LRRC7: variants seen among roughly 807,000 people sequenced by gnomAD.
LRRC7 encodes the protein leucine rich repeat containing 7.
A neutral mutation model predicts 175.7 loss-of-function variants in LRRC7; 23 were observed. That is an observed-to-expected ratio of 0.13 (90% CI 0.09 to 0.19). The LOEUF is 0.19. Among genes scored for constraint, LRRC7 ranks in the 10% least tolerant of loss-of-function variants. The pLI is 1.00. For missense variants in LRRC7, 1,354 were observed against 1,904.7 expected (o/e 0.71, Z 5.38); for synonymous variants, 685 against 680.9 (o/e 1.01, Z -0.09).
chr1:69,669,380 G>T (rs762406094), intron 1 of LRRC7, among the ~76,000 whole-genome samples: 6 of 152,114 alleles, frequency 3.9e-5, no homozygotes, highest in Admixed American at 2.0e-4. Context: ...CAGCACTTTA[G>T]ATATGTCATG....
At chr1:69,908,614 T>C (rs908501506) in intron 7 of LRRC7, among the ~76,000 whole-genome samples, 24 of 151,200 alleles carry the variant, frequency 1.6e-4, no homozygotes, top group African/African-American at 5.8e-4. Flanking sequence ...TTGATTGCAC[T>C]GTGGTCTGAG....
intron 2 of LRRC7, among the ~76,000 whole-genome samples, chr1:69,755,364 T>G (rs1670297072): frequency 6.9e-6 from 1 of 144,576 alleles, no homozygotes; most frequent in Admixed American, 6.9e-5. Context: ...ATATATATAA[T>G]CTATCCTTGC....
intron 8 of LRRC7, among the ~76,000 whole-genome samples, chr1:69,943,757 G>A (rs1199832648): frequency 6.6e-6 from 1 of 151,898 alleles, no homozygotes; most frequent in African/African-American, 2.4e-5. Flanking sequence ...TTAACTTCAA[G>A]GTAAACCTGC....
chr1:69,998,382 G>T (rs2101922131), intron 11 of LRRC7, among the ~76,000 whole-genome samples: 1 of 152,186 alleles, frequency 6.6e-6, no homozygotes. Context: ...TTCAAACTCA[G>T]ATGTTCAGAC....
intron 4 of LRRC7, among the ~76,000 whole-genome samples, chr1:69,825,321 C>T (rs1679782767): frequency 6.6e-6 from 1 of 152,268 alleles, no homozygotes; most frequent in East Asian, 1.9e-4. Context: ...GTTCAACCTT[C>T]CTAACCTTAT....
chr1:69,718,780 A>C (rs1255029333), intron 2 of LRRC7, among the ~76,000 whole-genome samples: 1 of 151,816 alleles, frequency 6.6e-6, no homozygotes, highest in Non-Finnish European at 1.5e-5. Context: ...AAACCAAAGA[A>C]GCCAAGAGAT....
At chr1:69,623,678 G>A (rs942504493) in intron 1 of LRRC7, among the ~76,000 whole-genome samples, 1 of 151,424 alleles carries the variant, frequency 6.6e-6, no homozygotes, top group Non-Finnish European at 1.5e-5. Context: ...AGCCTCCCGC[G>A]TAGCTGGGAT....
intron 23 of LRRC7, among the ~76,000 whole-genome samples, chr1:70,053,436 T>C (rs2421319): frequency 0.13 from 19,535 of 152,168 alleles, 1,731 homozygotes; most frequent in African/African-American, 0.24. Flanking sequence ...TAGAATGATA[T>C]GTGACATACT....
At chr1:69,995,290 G>A (rs527256947) in intron 11 of LRRC7, among the ~76,000 whole-genome samples, 6 of 152,172 alleles carry the variant, frequency 3.9e-5, no homozygotes, top group African/African-American at 1.2e-4. Flanking sequence ...TTTACAATCC[G>A]TGTAAAGTGA....
intron 2 of LRRC7, among the ~76,000 whole-genome samples, chr1:69,727,153 T>A (rs1317035441): frequency 1.4e-4 from 22 of 152,140 alleles, no homozygotes; most frequent in Non-Finnish European, 1.5e-5. Context: ...GAGGGATGTA[T>A]CCTGGATGAG....
At chr1:70,096,016 C>T (rs1279510177) in intron 25 of LRRC7, among the ~76,000 whole-genome samples, 4 of 151,534 alleles carry the variant, frequency 2.6e-5, no homozygotes, top group South Asian at 2.1e-4. Context: ...TGGCTCTTGT[C>T]GCCCAGGCTG....
intron 4 of LRRC7, among the ~76,000 whole-genome samples, chr1:69,812,742 C>T (rs1439744856): frequency 6.6e-6 from 1 of 151,958 alleles, no homozygotes; most frequent in Non-Finnish European, 1.5e-5. Flanking sequence ...CATAAGCATT[C>T]AATATGCATT....
intron 23 of LRRC7, among the ~76,000 whole-genome samples, chr1:70,062,266 G>A (rs187100882): frequency 4.5e-4 from 68 of 152,124 alleles, no homozygotes; most frequent in Non-Finnish European, 7.8e-4. Flanking sequence ...GCACTGTTGA[G>A]GTTGTAAAAA....
At position 69,568,156 on chromosome 1, in the gene LRRC7, G is replaced by A. The variant is rs1015221694; in HGVS notation, c.-484G>A. Among the ~76,000 whole-genome samples, 16 of 152,240 alleles carry A rather than the reference G, an allele frequency of 1.1e-4. No individual in the cohort carries two copies. The highest frequency in any genetic ancestry group is 8.5e-4 in the Admixed American group (13 of 15,304). On this transcript the variant is annotated 5_prime_UTR_variant, in exon 1 of 27. Coordinates refer to ENST00000651989, the MANE Select transcript of LRRC7 (RefSeq NM_001370785.2). Reference sequence around the variant, plus strand: ...GGGATCCTCGCCCTGCACAGGCGCGGCAACGGGCAGGGGTTGTTACGGAGT... The same window carrying A: ...GGGATCCTCGCCCTGCACAGGCGCGACAACGGGCAGGGGTTGTTACGGAGT...
intron 1 of LRRC7, among the ~76,000 whole-genome samples, chr1:69,587,588 C>T (rs902980078): frequency 4.6e-5 from 7 of 152,134 alleles, no homozygotes; most frequent in Admixed American, 1.3e-4. Flanking sequence ...TCTGTGTCCC[C>T]GACCACATCT....
chr1:69,701,507 C>A (rs541445536), intron 2 of LRRC7, among the ~76,000 whole-genome samples: 10 of 152,060 alleles, frequency 6.6e-5, no homozygotes, highest in Admixed American at 2.0e-4. Flanking sequence ...TTAAAAAAAA[C>A]CATACACTTC....
In LRRC7 at chr1:69,760,353, A is replaced by C. The variant is rs1670906021; in HGVS notation, c.263A>C (p.Glu88Ala). ...EVFNFERTLE[E>A]LYLDANQIEE... is the part of the protein sequence containing the mutation. ...TTTAACTTCGAACGAACATTAGAGGAGCTTTATCTAGATGCCAATCAAATT... is the reference window on the plus strand; with the variant it reads ...TTTAACTTCGAACGAACATTAGAGGCGCTTTATCTAGATGCCAATCAAATT... The change falls in exon 3 of 27, where the codon GAG (glutamate) becomes GCG (alanine). Residue 88 changes from glutamate (E) to alanine (A), a missense_variant. By Grantham distance (107) the Glu-to-Ala change is moderately radical. Coordinates refer to ENST00000651989, the MANE Select transcript of LRRC7 (RefSeq NM_001370785.2). The C allele has an allele frequency of 6.2e-7, 1 of 1,612,678 alleles. No individual in the cohort carries two copies. Among genetic ancestry groups the C allele is most frequent in the Admixed American group, 1.7e-5 (1 of 59,824 alleles).
At chr1:69,687,713 C>CT (rs35806841) in intron 2 of LRRC7, among the ~76,000 whole-genome samples, 15 of 151,454 alleles carry the variant, frequency 9.9e-5, no homozygotes, top group South Asian at 6.3e-4. Flanking sequence ...GTTTTGGTCC[C>CT]TTTTTTTTAC....
intron 7 of LRRC7, among the ~76,000 whole-genome samples, chr1:69,890,755 A>G (rs1366309271): frequency 6.6e-6 from 1 of 152,242 alleles, no homozygotes; most frequent in East Asian, 1.9e-4. Flanking sequence ...GATCTTCTGG[A>G]TAATTCACTG....
Sources: gnomAD v4.1 joint callset for allele counts (sites outside exome capture counted in the v4.1 genomes callset) on GRCh38, gnomAD v4.1.1 for gene constraint, MANE v1.5 for transcripts, NCBI Gene and HGNC (gene_info 2026-07-23, HGNC 2026-07-21) for gene names.